Variants in RASGEF1B observed in about 807,000 individuals in gnomAD.
RASGEF1B encodes the protein ras-GEF domain-containing family member 1B.
A neutral mutation model predicts 65.7 loss-of-function variants in RASGEF1B; 30 were observed. The observed-to-expected ratio is 0.46, with a 90% CI of 0.34 to 0.62. The LOEUF (loss-of-function observed/expected upper bound fraction) is 0.62. RASGEF1B is among the 20% of genes least tolerant of loss of function. The pLI, the probability that RASGEF1B is intolerant of heterozygous loss-of-function variation, is 0.01. For missense variants in RASGEF1B, 495 were observed against 580.1 expected, an observed-to-expected ratio of 0.85 and a Z score of 1.51; for synonymous variants, 175 against 194.8, an observed-to-expected ratio of 0.90 and a Z score of 0.85.
chr4:81,432,246 A>G, intron 13 of RASGEF1B, 53 bp downstream of exon 13: 3 of 1,279,098 alleles, frequency 2.3e-6, no homozygotes, highest in East Asian at 2.3e-5. Flanking sequence ...GCTTTCTTCA[A>G]GGAAAGCCAA....
At chr4:81,471,255 A>ACG (rs1723012127) in intron 1 of RASGEF1B, 1 of 152,386 alleles carries the variant, frequency 6.6e-6, no homozygotes, top group South Asian at 2.1e-4. Flanking sequence ...CTACACACAC[A>ACG]CGCACACAAA....
chr4:81,440,701 T>C (rs1721802180), intron 10 of RASGEF1B, 133 bp downstream of exon 10: 7 of 571,824 alleles, frequency 1.2e-5, no homozygotes, highest in African/African-American at 3.7e-5. Flanking sequence ...TCAAGTGGTA[T>C]CATTTCTAGA....
rs373351697 is a variant in RASGEF1B at position 81,433,031 on chromosome 4, A to T, written c.1325-660T>A. On this transcript the variant is annotated intron_variant, in intron 12 of 13. Coordinates refer to ENST00000264400, the MANE Select transcript of RASGEF1B (RefSeq NM_152545.3). ...AGTTGGAGACCAGCCTGGGCAACACAGAAAAACCCTGTCTCTACAAGAAAA... is the reference window on the plus strand; with the variant it reads ...AGTTGGAGACCAGCCTGGGCAACACTGAAAAACCCTGTCTCTACAAGAAAA... Among the ~76,000 whole-genome samples the T allele has an allele frequency of 3.3e-5, 5 of 151,258 alleles. No individual in the cohort carries two copies. The East Asian group carries it at 9.7e-4, about 29-fold the overall frequency.
At chr4:81,439,796 C>T (rs1721772711) in intron 10 of RASGEF1B, among the ~76,000 whole-genome samples, 1 of 152,194 alleles carries the variant, frequency 6.6e-6, no homozygotes, top group African/African-American at 2.4e-5. Flanking sequence ...TGTCAGGCTA[C>T]AGTAAGACTG....
intron 1 of RASGEF1B, among the ~76,000 whole-genome samples, chr4:81,463,606 G>A (rs891887968): frequency 1.3e-5 from 2 of 152,088 alleles, no homozygotes; most frequent in East Asian, 1.9e-4. Flanking sequence ...AGCTGTTTTC[G>A]GAAGGATCAA....
chr4:81,451,767 C>T (rs1159222373), intron 4 of RASGEF1B: 1 of 152,246 alleles, frequency 6.6e-6, no homozygotes. Flanking sequence ...AAGCCAACAA[C>T]TCATTTAAAA....
intron 8 of RASGEF1B, among the ~76,000 whole-genome samples, chr4:81,445,198 T>C (rs896216503): frequency 6.6e-6 from 1 of 152,206 alleles, no homozygotes; most frequent in Non-Finnish European, 1.5e-5. Context: ...TAGTCTTGGA[T>C]CATTATTTCT....
At chr4:81,466,308 T>C (rs1297921654) in intron 1 of RASGEF1B, among the ~76,000 whole-genome samples, 1 of 152,182 alleles carries the variant, frequency 6.6e-6, no homozygotes, top group Non-Finnish European at 1.5e-5. Context: ...ACTCCAGCTG[T>C]TATCTCAAGT....
At chr4:81,429,514 C>T (rs1578606562) in intron 13 of RASGEF1B, among the ~76,000 whole-genome samples, 1 of 152,204 alleles carries the variant, frequency 6.6e-6, no homozygotes. Flanking sequence ...CCCCCACGGA[C>T]CTAGGTGAGG....
chr4:81,466,947 A>AG (rs1722858070), intron 1 of RASGEF1B, among the ~76,000 whole-genome samples: 1 of 147,750 alleles, frequency 6.8e-6, no homozygotes, highest in South Asian at 2.1e-4. Flanking sequence ...TAAAAAAAAA[A>AG]AAAAAAAAGA....
intron 1 of RASGEF1B, among the ~76,000 whole-genome samples, chr4:81,469,524 C>T (rs1011227142): frequency 6.6e-6 from 1 of 152,040 alleles, no homozygotes; most frequent in African/African-American, 2.4e-5. Flanking sequence ...GTCTATTGTA[C>T]TCTATTAACT....
chr4:81,463,962 C>A (rs1008758609), intron 1 of RASGEF1B, among the ~76,000 whole-genome samples: 1 of 152,218 alleles, frequency 6.6e-6, no homozygotes, highest in Non-Finnish European at 1.5e-5. Flanking sequence ...GCACTATTAA[C>A]TCCAGGAATC....
chr4:81,464,399 G>C (rs1188063709), intron 1 of RASGEF1B, among the ~76,000 whole-genome samples: 1 of 152,164 alleles, frequency 6.6e-6, no homozygotes, highest in East Asian at 1.9e-4. Context: ...CAGAAAAAAA[G>C]AGATTTGTAT....
chr4:81,439,016 T>C (rs1015696552), intron 10 of RASGEF1B, among the ~76,000 whole-genome samples: 1 of 152,236 alleles, frequency 6.6e-6, no homozygotes, highest in East Asian at 1.9e-4. Context: ...TTCCATGTCT[T>C]TGCTATTGTA....
chr4:81,433,615 A>T (rs1721510116), intron 12 of RASGEF1B, among the ~76,000 whole-genome samples: 1 of 152,218 alleles, frequency 6.6e-6, no homozygotes, highest in Non-Finnish European at 1.5e-5. Context: ...CAAATCTGGT[A>T]TTATAAAGAA....
intron 13 of RASGEF1B, among the ~76,000 whole-genome samples, chr4:81,428,026 T>C (rs1364446139): frequency 6.6e-6 from 1 of 152,170 alleles, no homozygotes; most frequent in Non-Finnish European, 1.5e-5. Flanking sequence ...CTTAAACAGA[T>C]AAATCTATAT....
At chr4:81,442,570 ACT>A (rs762053634) in intron 8 of RASGEF1B, among the ~76,000 whole-genome samples, 194 bp from the exon 9 acceptor site, 87 of 152,328 alleles carry the variant, frequency 5.7e-4, no homozygotes, top group Non-Finnish European at 9.7e-4. Context: ...GCTATCACTG[ACT>A]CTGTGCAGAG....
chr4:81,431,906 T>G (rs899152791), intron 13 of RASGEF1B, among the ~76,000 whole-genome samples: 1 of 152,180 alleles, frequency 6.6e-6, no homozygotes, highest in Non-Finnish European at 1.5e-5. Flanking sequence ...AAACCCAACT[T>G]TATAAAGCCT....
rs72663872 is a variant in RASGEF1B at position 81,463,762 on chromosome 4, C to T, written c.-6-4248G>A. Among the ~76,000 whole-genome samples the T allele has an allele frequency of 4.7e-3, 723 of 152,306 alleles. 5 individuals are homozygous for T. In the Middle Eastern group the frequency reaches 0.054, roughly 11 times the overall value. On this transcript the variant is annotated intron_variant, in intron 1 of 13. Coordinates refer to ENST00000264400, the MANE Select transcript of RASGEF1B (RefSeq NM_152545.3). The stretch of plus-strand genomic sequence containing the variant: ...TCTAAAGTATCTTCCCTCTTGTTAA[C>T]CACACCAAGAGCTACTGTTTGTTCG...
Sources: gnomAD v4.1 joint callset for allele counts (sites outside exome capture counted in the v4.1 genomes callset) on GRCh38, gnomAD v4.1.1 for gene constraint, MANE v1.5 for transcripts, NCBI Gene and HGNC (gene_info 2026-07-23, HGNC 2026-07-21) for gene names.